Variants in NTNG2 observed in about 807,000 individuals in gnomAD.
NTNG2 encodes netrin-G2.
A neutral mutation model predicts 47.6 loss-of-function variants in NTNG2; 15 were observed. The ratio of observed to expected loss-of-function variants is 0.32; its 90% CI spans 0.21 to 0.49. The LOEUF (loss-of-function observed/expected upper bound fraction) is 0.49, where lower values mean the gene tolerates loss of function less well. Among genes scored for constraint, NTNG2 ranks in the 20% least tolerant of loss-of-function variants. NTNG2 has a pLI of 0.99. For missense variants in NTNG2, 578 were observed against 764.6 expected, an observed-to-expected ratio of 0.76 and a Z score of 2.88; for synonymous variants, 307 against 324.6, an observed-to-expected ratio of 0.95 and a Z score of 0.58.
At position 132,166,881 on chromosome 9, in the gene NTNG2, G is replaced by C; in HGVS notation, c.50G>C (p.Gly17Ala). The C allele has an allele frequency of 1.2e-6, 2 of 1,614,190 alleles. No homozygotes were observed. Among genetic ancestry groups the C allele is most frequent in the Non-Finnish European group, 8.5e-7 (1 of 1,180,040 alleles). The change falls in exon 2 of 8, where the codon GGG becomes GCG. Residue 17 changes from glycine to alanine, a missense_variant. Transcript: ENST00000393229. ...CTGCACTGCCTCCCTCTGGCCTCTG[G>C]GGACTATGACATCTGCAAATCCTGG... Reference protein sequence around the residue: ...LFLHCLPLASGDYDICKSWVT... With the variant: ...LFLHCLPLASADYDICKSWVT...
intron 2 of NTNG2, among the ~76,000 whole-genome samples, chr9:132,189,629 C>A (rs1405590908): frequency 3.3e-5 from 5 of 151,892 alleles, no homozygotes; most frequent in Admixed American, 2.0e-4. Context: ...TTTCTCAAAT[C>A]CCTTCAGCTT....
At chr9:132,189,639 T>C (rs74311542) in intron 2 of NTNG2, among the ~76,000 whole-genome samples, 14,042 of 151,594 alleles carry the variant, frequency 0.093, 708 homozygotes, top group Middle Eastern at 0.16. Context: ...CCCTTCAGCT[T>C]AAAAAAAATT....
chr9:132,178,716 G>A (rs987104339), intron 2 of NTNG2, among the ~76,000 whole-genome samples: 4 of 151,346 alleles, frequency 2.6e-5, no homozygotes, highest in South Asian at 2.1e-4. Flanking sequence ...TGAGGCGGGC[G>A]GATTGTCTGA....
chr9:132,169,068 G>A (rs1460833974), intron 2 of NTNG2, among the ~76,000 whole-genome samples: 4 of 152,218 alleles, frequency 2.6e-5, no homozygotes, highest in African/African-American at 9.7e-5. Flanking sequence ...CCTCATCCCA[G>A]GCAGCCAGCC....
rs763698270 is a variant in NTNG2, at chr9:132,241,951, C to G, written c.1433C>G (p.Pro478Arg). Residue 478 changes from proline (P) to arginine (R), a missense_variant, in exon 8 of 8, where the codon CCG becomes CGG. By Grantham distance (103) the Pro-to-Arg change is moderately radical. Coordinates refer to ENST00000393229, the MANE Select transcript of NTNG2 (RefSeq NM_032536.4). ...CTGCAGAACCAGCGCTGCGCCTGCC[C>G]GCGCGGCTACACCGGCGTGCGCTGC... The part of the protein sequence containing the change: ...TCLQNQRCAC[P>R]RGYTGVRCEQ... 4.5e-6 allele frequency: 7 copies of G among 1,555,842 alleles called. No homozygotes were observed. Among genetic ancestry groups the G allele is most frequent in the Non-Finnish European group, 6.0e-6 (7 of 1,159,456 alleles).
intron 2 of NTNG2, among the ~76,000 whole-genome samples, chr9:132,174,280 A>G (rs77210816): frequency 2.3e-4 from 33 of 142,822 alleles, no homozygotes; most frequent in Middle Eastern, 3.5e-3. Context: ...ACAGACGGAC[A>G]GACAGGCAGG....
rs374971995 is a variant in NTNG2, at chr9:132,215,751, C to T, written c.858-11098C>T. On this transcript the variant is annotated intron_variant, in intron 3 of 7. Transcript: ENST00000393229. The surrounding 1 kb of genome is among the most constrained non-coding windows in gnomAD (Gnocchi z 4.2). ...GAGAGGCTCTGGGGTGGGTGTTGGACGGGACAGCATGAATAAGGGGCCCTG... is the reference window on the plus strand; with the variant it reads ...GAGAGGCTCTGGGGTGGGTGTTGGATGGGACAGCATGAATAAGGGGCCCTG... 4.0e-3 allele frequency among the ~76,000 whole-genome samples: 603 copies of T among 152,082 alleles called. 6 individuals carry two copies. Among genetic ancestry groups the T allele is most frequent in the African/African-American group, 0.012 (499 of 41,460 alleles).
At chr9:132,206,268 G>T (rs1839158793) in intron 3 of NTNG2, among the ~76,000 whole-genome samples, 1 of 152,210 alleles carries the variant, frequency 6.6e-6, no homozygotes, top group South Asian at 2.1e-4. Context: ...CAGTCAGTTG[G>T]TGAGAGCCCC....
In NTNG2 at chr9:132,243,431, T is replaced by G. The variant is rs1589581012; in HGVS notation, c.*1320T>G. 6.6e-6 allele frequency: 1 copy of G among 152,212 alleles called. No individual in the cohort carries two copies. Among genetic ancestry groups the G allele is most frequent in the Non-Finnish European group, 1.5e-5 (1 of 68,086 alleles). The allele number at this position is 152,212 out of a possible 1,614,324, so 9.4% of individuals were successfully genotyped here. A position where few individuals can be genotyped will look rare whatever the true frequency, so the allele number is the denominator to read the frequency against. ...GGGGACAGGGGCAGCTTGGGAGTGG[T>G]GAGGAAGCTCCTAGATTCGGGGCTC... On this transcript the variant is annotated 3_prime_UTR_variant, in exon 8 of 8. Coordinates refer to ENST00000393229, the MANE Select transcript of NTNG2 (RefSeq NM_032536.4).
intron 2 of NTNG2, among the ~76,000 whole-genome samples, chr9:132,174,154 C>T (rs1337270183): frequency 7.3e-6 from 1 of 137,910 alleles, no homozygotes; most frequent in Non-Finnish European, 1.5e-5. Flanking sequence ...CACCATGCTG[C>T]GGATGAGACG....
chr9:132,194,060 G>A (rs1554784325), intron 2 of NTNG2, among the ~76,000 whole-genome samples: 1 of 152,164 alleles, frequency 6.6e-6, no homozygotes, highest in African/African-American at 2.4e-5. Flanking sequence ...AAGAGAATCT[G>A]TCTCCAAATA....
intron 6 of NTNG2, among the ~76,000 whole-genome samples, chr9:132,240,169 A>G (rs551762348): frequency 6.6e-6 from 1 of 152,204 alleles, no homozygotes; most frequent in South Asian, 2.1e-4. Flanking sequence ...TGCCCAGAGG[A>G]GGGGCTCCTG....
At chr9:132,194,897 C>G (rs112008635) in intron 2 of NTNG2, among the ~76,000 whole-genome samples, 1,641 of 152,368 alleles carry the variant, frequency 0.011, 41 homozygotes, top group African/African-American at 0.037. Flanking sequence ...GGCCGCGGGG[C>G]TGTGGCTCAG....
At chr9:132,194,099 G>A (rs1466696774) in intron 2 of NTNG2, among the ~76,000 whole-genome samples, 1 of 152,164 alleles carries the variant, frequency 6.6e-6, no homozygotes, top group Non-Finnish European at 1.5e-5. Flanking sequence ...CTAGGGTTAG[G>A]GCTTCAACAT....
chr9:132,186,887 A>T (rs10751490), intron 2 of NTNG2, among the ~76,000 whole-genome samples: 85 of 152,208 alleles, frequency 5.6e-4, no homozygotes, highest in African/African-American at 1.9e-3. Context: ...GGAGTGTGGC[A>T]CAAAGGTGGG....
At chr9:132,213,024 A>G (rs1839711234) in intron 3 of NTNG2, among the ~76,000 whole-genome samples, 1 of 152,180 alleles carries the variant, frequency 6.6e-6, no homozygotes, top group Non-Finnish European at 1.5e-5. Context: ...CCATGTAGAA[A>G]AGAAGGACTT....
intron 2 of NTNG2, among the ~76,000 whole-genome samples, chr9:132,184,155 C>T (rs1284759531): frequency 6.6e-6 from 1 of 152,216 alleles, no homozygotes; most frequent in East Asian, 1.9e-4. Context: ...CAGGTGTGGG[C>T]AGACCCAGTA....
At chr9:132,214,018 A>G (rs1318852379) in intron 3 of NTNG2, among the ~76,000 whole-genome samples, 2 of 152,186 alleles carry the variant, frequency 1.3e-5, no homozygotes, top group African/African-American at 4.8e-5. Context: ...ATTGCCGTGA[A>G]CACTCTGAAA....
In NTNG2 at chr9:132,215,051, G is replaced by GTT. The variant is rs1458560326; in HGVS notation, c.858-11791_858-11790dup. On this transcript the variant is annotated intron_variant, in intron 3 of 7. Transcript: ENST00000393229. The surrounding 1 kb of genome is among the most constrained non-coding windows in gnomAD (Gnocchi z 4.2). ...ACCACCATGCCCTGATAAATTTTGTGTTTTTTTTAATTTTTTTGTAGAGAT... is the reference window on the plus strand; with the variant it reads ...ACCACCATGCCCTGATAAATTTTGTGTTTTTTTTTTAATTTTTTTGTAGAGAT... 8.4e-6 allele frequency among the ~76,000 whole-genome samples: 1 copy of GTT among 118,944 alleles called. No individual in the cohort carries two copies. Among genetic ancestry groups the GTT allele is most frequent in the Admixed American group, 8.4e-5 (1 of 11,938 alleles). The allele number at this position is 118,944 out of a possible 152,430, so 78.0% of individuals were successfully genotyped here. A position where few individuals can be genotyped will look rare whatever the true frequency, so the allele number is the denominator to read the frequency against.
Sources: gnomAD v4.1 joint callset for allele counts (sites outside exome capture counted in the v4.1 genomes callset) on GRCh38, gnomAD v4.1.1 for gene constraint, Gnocchi (gnomAD v3.1) non-coding constraint, MANE v1.5 for transcripts, NCBI Gene and HGNC (gene_info 2026-07-23, HGNC 2026-07-21) for gene names.